Variants in CUL1 observed in about 807,000 individuals in gnomAD.
The protein encoded by CUL1 is cullin-1.
CUL1 carries 24 observed loss-of-function variants against 118.0 expected under a neutral mutation model. The ratio of observed to expected loss-of-function variants is 0.20; its 90% CI spans 0.15 to 0.29. The LOEUF is 0.29. CUL1 is among the 10% of genes least tolerant of loss of function. The pLI, the probability that CUL1 is intolerant of heterozygous loss-of-function variation, is 1.00. For synonymous variants in CUL1, 332 were observed against 340.4 expected, an observed-to-expected ratio of 0.98 and a Z score of 0.27; for missense variants, 361 against 933.8, an observed-to-expected ratio of 0.39 and a Z score of 7.99.
At chr7:148,796,818 G>A (rs1369115073) in intron 17 of CUL1, among the ~76,000 whole-genome samples, 7 of 152,164 alleles carry the variant, frequency 4.6e-5, no homozygotes, top group East Asian at 1.9e-4. Flanking sequence ...GGGCACCCCC[G>A]CACCCTGCTC....
At position 148,756,595 on chromosome 7, in the gene CUL1, C is replaced by G. The variant is rs189156968; in HGVS notation, c.316-388C>G. The stretch of plus-strand genomic sequence containing the variant: ...CAAGTGATCTGCCCACCTCGGCCTC[C>G]CAAAGTGCTGAGATTAGAGGTGTGA... On this transcript the variant is annotated intron_variant, in intron 3 of 21. Transcript: ENST00000325222. 8.7e-4 allele frequency among the ~76,000 whole-genome samples: 132 copies of G among 152,234 alleles called. 1 individual carries two copies. The highest frequency in any genetic ancestry group is 3.2e-3 in the African/African-American group (131 of 41,532).
intron 1 of CUL1, among the ~76,000 whole-genome samples, chr7:148,704,945 G>C (rs1797836988): frequency 6.6e-6 from 1 of 152,214 alleles, no homozygotes; most frequent in Non-Finnish European, 1.5e-5. Context: ...TTTCTGCTTA[G>C]TTTAATGCTG....
chr7:148,784,052 T>A lies in CUL1; in HGVS notation c.1273T>A (p.Tyr425Asn), dbSNP rs1800741872. The change falls in exon 11 of 22, where the codon TAC becomes AAC. Residue 425 changes from tyrosine (Y) to asparagine (N), a missense_variant. Tyr to Asn is a moderately radical substitution (Grantham distance 143). Around this residue, in one of 7 missense-constraint regions of CUL1, gnomAD observed 169 missense variants for 429.7 expected, o/e 0.39. Coordinates refer to ENST00000325222, the MANE Select transcript of CUL1 (RefSeq NM_003592.3). ...TAAATCCCCTGAGTTGCTGGCTCGATACTGTGACTCCTTGTTGAAGAAAAG... is the reference window on the plus strand; with the variant it reads ...TAAATCCCCTGAGTTGCTGGCTCGAAACTGTGACTCCTTGTTGAAGAAAAG... Reference protein sequence around the residue: ...SSKSPELLARYCDSLLKKSSK... With the variant: ...SSKSPELLARNCDSLLKKSSK... The A allele has an allele frequency of 6.2e-7, 1 of 1,614,146 alleles. No homozygotes were observed. The highest frequency in any genetic ancestry group is 8.5e-7 in the Non-Finnish European group (1 of 1,179,956).
intron 16 of CUL1, 56 bp from the exon 17 acceptor site, chr7:148,792,670 G>A (rs1190018465): frequency 2.4e-6 from 3 of 1,225,518 alleles, no homozygotes; most frequent in Middle Eastern, 1.9e-4. Flanking sequence ...ATTTTGGGAG[G>A]TGTTTCCATG....
intron 7 of CUL1, among the ~76,000 whole-genome samples, chr7:148,764,849 T>C (rs1289729903): frequency 6.6e-6 from 1 of 152,246 alleles, no homozygotes; most frequent in African/African-American, 2.4e-5. Flanking sequence ...TGTTGCTGAT[T>C]ATATAAACCA....
At chr7:148,759,083 G>A (rs1313264605) in intron 4 of CUL1, among the ~76,000 whole-genome samples, 5 of 152,322 alleles carry the variant, frequency 3.3e-5, no homozygotes, top group African/African-American at 1.2e-4. Flanking sequence ...TAAAGAAAAT[G>A]TAAATAAAGA....
chr7:148,768,014 C>T (rs553625470), intron 9 of CUL1, among the ~76,000 whole-genome samples: 2 of 152,060 alleles, frequency 1.3e-5, no homozygotes, highest in South Asian at 2.1e-4. Context: ...AAATTCCTTG[C>T]ACTCACTAGA....
At chr7:148,751,274 A>C (rs551832017) in intron 2 of CUL1, among the ~76,000 whole-genome samples, 14 of 152,234 alleles carry the variant, frequency 9.2e-5, no homozygotes, top group South Asian at 2.1e-4. Flanking sequence ...GGGCCTGGCA[A>C]GGTGGCTCAC....
chr7:148,704,160 C>T (rs1292895323), intron 1 of CUL1, among the ~76,000 whole-genome samples: 2 of 137,684 alleles, frequency 1.5e-5, no homozygotes, highest in Non-Finnish European at 3.1e-5. Context: ...AAAGCGGCCC[C>T]CCCCCACCCC....
intron 13 of CUL1, 121 bp from the exon 14 acceptor site, chr7:148,788,436 G>T: frequency 1.5e-6 from 1 of 648,216 alleles, no homozygotes; most frequent in Non-Finnish European, 2.7e-6. Flanking sequence ...AATGTTACTA[G>T]CTTTGCTAGT....
At chr7:148,791,154 C>CTAGATA (rs1800992372) in intron 16 of CUL1, among the ~76,000 whole-genome samples, 2 of 152,104 alleles carry the variant, frequency 1.3e-5, no homozygotes, top group Admixed American at 6.6e-5. Context: ...GACCCCATCT[C>CTAGATA]TAGATATTTT....
At chr7:148,764,064 ACT>A (rs1799926780) in intron 7 of CUL1, among the ~76,000 whole-genome samples, 1 of 152,058 alleles carries the variant, frequency 6.6e-6, no homozygotes, top group South Asian at 2.1e-4. Context: ...AGCTACAGAA[ACT>A]CTGTATGACT....
intron 20 of CUL1, 22 bp downstream of exon 20, chr7:148,798,699 G>T (rs878949268): frequency 6.3e-7 from 1 of 1,593,164 alleles, no homozygotes. Flanking sequence ...GTATGCCTGT[G>T]CCAGGTGTGC....
chr7:148,763,160 A>T (rs879741328), intron 7 of CUL1, among the ~76,000 whole-genome samples: 52 of 152,074 alleles, frequency 3.4e-4, no homozygotes, highest in Non-Finnish European at 6.0e-4. Flanking sequence ...AAAAAAAATA[A>T]AAATAAAAAT....
chr7:148,699,710 A>G (rs373742958), intron 1 of CUL1, among the ~76,000 whole-genome samples: 1 of 152,020 alleles, frequency 6.6e-6, no homozygotes, highest in African/African-American at 2.4e-5. Flanking sequence ...GGGCCGGGGC[A>G]TGCGCGCAGG....
Position 148,798,134 on chromosome 7 carries a change from C to T in CUL1, c.2030+115C>T, listed in dbSNP as rs960840824. 7.9e-5 allele frequency: 49 copies of T among 621,552 alleles called. 1 individual carries two copies. In the South Asian group the frequency reaches 8.4e-4, roughly 11 times the overall value. 38.5% of individuals were successfully genotyped at this position (621,552 alleles called of 1,614,324 possible). The stretch of plus-strand genomic sequence containing the variant: ...GGGAGACCGGGGACTCAGTGTGAAG[C>T]GACAGGCACTAGGCTGGGAGTGTGA... On this transcript the variant is annotated intron_variant, in intron 19 of 21. Transcript: ENST00000325222.
intron 2 of CUL1, among the ~76,000 whole-genome samples, chr7:148,740,590 A>G (rs1324686256): frequency 2.0e-5 from 3 of 152,180 alleles, no homozygotes; most frequent in Non-Finnish European, 2.9e-5. Context: ...TTTTGTATAC[A>G]TGTAACTATA....
chr7:148,791,925 C>T (rs1048985027), intron 16 of CUL1, among the ~76,000 whole-genome samples: 4 of 152,210 alleles, frequency 2.6e-5, no homozygotes, highest in Non-Finnish European at 5.9e-5. Context: ...TGCAGTGGCT[C>T]AGCCTGTAAT....
At chr7:148,798,492 A>C in intron 19 of CUL1, 80 bp from the exon 20 acceptor site, 1 of 1,027,104 alleles carries the variant, frequency 9.7e-7, no homozygotes, top group Non-Finnish European at 1.5e-6. Context: ...GGCACTTCTT[A>C]AAGGTTGAAA....
Sources: allele counts gnomAD v4.1 joint callset (sites outside exome capture counted in the v4.1 genomes callset), GRCh38; gene constraint gnomAD v4.1.1; regional missense constraint gnomAD v4.1.1; transcripts MANE v1.5; gene names NCBI Gene and HGNC (gene_info 2026-07-23, HGNC 2026-07-21).